TFCP2L1: variants seen among roughly 807,000 people sequenced by gnomAD.
The protein encoded by TFCP2L1 is transcription factor CP2 like 1.
A neutral mutation model predicts 72.2 loss-of-function variants in TFCP2L1; 12 were observed. That is an observed-to-expected ratio of 0.17 (90% confidence interval 0.11 to 0.27). TFCP2L1 has a LOEUF of 0.27. Ranked by LOEUF, TFCP2L1 falls within the 10% of genes least tolerant of loss-of-function variation. TFCP2L1 has a pLI of 1.00. For missense variants in TFCP2L1, 488 were observed against 624.6 expected, an observed-to-expected ratio of 0.78 and a Z score of 2.33; for synonymous variants, 260 against 251.0, an observed-to-expected ratio of 1.04 and a Z score of -0.34.
intron 2 of TFCP2L1, among the ~76,000 whole-genome samples, chr2:121,258,477 A>G (rs969027494): frequency 6.6e-6 from 1 of 152,228 alleles, no homozygotes; most frequent in Non-Finnish European, 1.5e-5. Context: ...CCTTGGGGCC[A>G]CCACAGAGGA....
chr2:121,249,906 C>T (rs1382059098), intron 2 of TFCP2L1, among the ~76,000 whole-genome samples: 1 of 152,230 alleles, frequency 6.6e-6, no homozygotes, highest in Non-Finnish European at 1.5e-5. Context: ...CTACAATGTT[C>T]AAATAAACAG....
chr2:121,242,359 C>T lies in TFCP2L1; in HGVS notation c.768G>A (p.Glu256=), dbSNP rs368319139. The change falls in exon 7 of 15, where the codon GAG becomes GAA. Residue 256 remains glutamate, a splice_region_variant and synonymous_variant. Transcript: ENST00000263707. Reference sequence around the variant, plus strand: ...CTGTCCCCGCACCCAGCCGGCTCACCTCTGTGAGGATGGTGGTTTCATAGG... The same window carrying T: ...CTGTCCCCGCACCCAGCCGGCTCACTTCTGTGAGGATGGTGGTTTCATAGG... The part of the protein sequence containing the change: ...QPSYETTILT[E]CSPWPDVAYQ... The T allele has an allele frequency of 6.2e-7, 1 of 1,613,954 alleles. No homozygotes were observed. Among genetic ancestry groups the T allele is most frequent in the African/African-American group, 1.3e-5 (1 of 74,932 alleles).
Position 121,227,595 on chromosome 2 carries a change from C to T in TFCP2L1, c.1342-1982G>A, listed in dbSNP as rs972720170. On this transcript the variant is annotated intron_variant, in intron 13 of 14. Transcript: ENST00000263707. The stretch of plus-strand genomic sequence containing the variant: ...ACTCAGAAGGCTAAGGCAGGAGAAT[C>T]GCTTGAATGCAGGAGGCGGAGGTTG... Among the ~76,000 whole-genome samples, 14 of 152,134 alleles carry T rather than the reference C, an allele frequency of 9.2e-5. No individual in the cohort carries two copies. The South Asian group carries it at 2.5e-3, about 27-fold the overall frequency.
intron 7 of TFCP2L1, among the ~76,000 whole-genome samples, chr2:121,240,938 A>G (rs560157346): frequency 1.3e-5 from 2 of 152,190 alleles, no homozygotes; most frequent in Non-Finnish European, 2.9e-5. Context: ...ACCCTCCTGC[A>G]TGTCCACACA....
chr2:121,266,472 C>T (rs1031427576), intron 2 of TFCP2L1, among the ~76,000 whole-genome samples: 4 of 152,124 alleles, frequency 2.6e-5, no homozygotes, highest in African/African-American at 9.7e-5. Flanking sequence ...AACCAGGGTC[C>T]TCTCCTCCAG....
intron 12 of TFCP2L1, among the ~76,000 whole-genome samples, 162 bp downstream of exon 12, chr2:121,233,929 T>C (rs1006329994): frequency 2.0e-5 from 3 of 152,216 alleles, no homozygotes; most frequent in Non-Finnish European, 4.4e-5. Context: ...CCATGCACCA[T>C]GCAAGGAGCA....
rs974696831 is a variant in TFCP2L1 at position 121,220,667 on chromosome 2, C to T, written c.*3674G>A. ...CAATAGGCCAGCACCTCCGGACTCACAGGAAAGACCCTGGACAGCTGTGGG... is the reference window on the plus strand; with the variant it reads ...CAATAGGCCAGCACCTCCGGACTCATAGGAAAGACCCTGGACAGCTGTGGG... On this transcript the variant is annotated 3_prime_UTR_variant, in exon 15 of 15. Coordinates refer to ENST00000263707, the MANE Select transcript of TFCP2L1 (RefSeq NM_014553.3). 8 of 152,194 alleles carry T rather than the reference C, an allele frequency of 5.3e-5. No homozygotes were observed. The highest frequency in any genetic ancestry group is 1.9e-4 in the African/African-American group (8 of 41,432). 9.4% of individuals were successfully genotyped at this position (152,194 alleles called of 1,614,324 possible). A position where few individuals can be genotyped will look rare whatever the true frequency, so the allele number is the denominator to read the frequency against.
intron 6 of TFCP2L1, 69 bp from the exon 7 acceptor site, chr2:121,242,538 G>A (rs2304666): frequency 0.021 from 30,449 of 1,464,324 alleles, 1,184 homozygotes; most frequent in East Asian, 0.15. Flanking sequence ...GCCCTCTCCT[G>A]CTTCCCACCT....
intron 4 of TFCP2L1, 127 bp downstream of exon 4, chr2:121,248,855 G>A (rs1437967774): frequency 3.3e-6 from 2 of 598,086 alleles, no homozygotes; most frequent in South Asian, 3.0e-5. Flanking sequence ...GCTCCCGCGG[G>A]GTTTTACACA....
In TFCP2L1 at chr2:121,248,149, C is replaced by A. The variant is rs537089332; in HGVS notation, c.504+15G>T. 3.1e-6 allele frequency: 5 copies of A among 1,611,494 alleles called. No homozygotes were observed. In the African/African-American group the frequency reaches 6.7e-5, roughly 21 times the overall value. Reference sequence around the variant, plus strand: ...ACTAGGTCTTCCCCTGGAGGGCAAGCTCCCTGTGGCCCACCTGAATGAATG... The same window carrying A: ...ACTAGGTCTTCCCCTGGAGGGCAAGATCCCTGTGGCCCACCTGAATGAATG... On this transcript the variant is annotated intron_variant, in intron 5 of 14. Coordinates refer to ENST00000263707, the MANE Select transcript of TFCP2L1 (RefSeq NM_014553.3).
rs529882922 is a variant in TFCP2L1, at chr2:121,249,438, C to A, written c.291+133G>T. ...AAGCCAAACAGGGGCTGCGTCTCAC[C>A]GTTGAGGGCTGAGCTGAACCCGGCC... On this transcript the variant is annotated intron_variant, in intron 3 of 14. Coordinates refer to ENST00000263707, the MANE Select transcript of TFCP2L1 (RefSeq NM_014553.3). The A allele has an allele frequency of 1.2e-5, 9 of 773,100 alleles. No homozygotes were observed. The South Asian group carries it at 1.4e-4, about 12-fold the overall frequency. 47.9% of individuals were successfully genotyped at this position (773,100 alleles called of 1,614,324 possible).
chr2:121,271,982 C>A (rs1687057144), intron 2 of TFCP2L1, among the ~76,000 whole-genome samples: 1 of 152,164 alleles, frequency 6.6e-6, no homozygotes. Flanking sequence ...CTTCCCCCCA[C>A]AAAGCTTCAT....
chr2:121,249,915 A>G (rs1181743996), intron 2 of TFCP2L1, among the ~76,000 whole-genome samples: 1 of 152,274 alleles, frequency 6.6e-6, no homozygotes. Flanking sequence ...TCAAATAAAC[A>G]GAATCCAGGA....
At chr2:121,244,314 A>G (rs1176404416) in intron 6 of TFCP2L1, among the ~76,000 whole-genome samples, 2 of 152,184 alleles carry the variant, frequency 1.3e-5, no homozygotes, top group African/African-American at 4.8e-5. Flanking sequence ...CGGCTCCAAC[A>G]AGCCAGGCTT....
intron 1 of TFCP2L1, among the ~76,000 whole-genome samples, chr2:121,282,319 TAA>T (rs539101704): frequency 0.021 from 1,848 of 86,236 alleles, 39 homozygotes; most frequent in African/African-American, 0.061. Flanking sequence ...CTCTCCACAT[TAA>T]AAAAAAAAAA....
intron 13 of TFCP2L1, among the ~76,000 whole-genome samples, chr2:121,230,419 A>G (rs1686117625): frequency 6.6e-6 from 1 of 151,860 alleles, no homozygotes; most frequent in African/African-American, 2.4e-5. Context: ...TGATCCGCCC[A>G]CCTCGGCCTC....
intron 12 of TFCP2L1, among the ~76,000 whole-genome samples, chr2:121,233,713 CCT>C (rs1271658313): frequency 2.2e-4 from 33 of 152,334 alleles, no homozygotes; most frequent in Non-Finnish European, 1.3e-4. Context: ...GACAGCCACG[CCT>C]CTGAGGTCCT....
chr2:121,248,107 C>T (rs551489936), intron 5 of TFCP2L1, 57 bp downstream of exon 5: 105 of 1,511,032 alleles, frequency 6.9e-5, no homozygotes, highest in Middle Eastern at 1.8e-4. Flanking sequence ...AGAAACTGCA[C>T]GCAGGCCACC....
chr2:121,255,137 G>A (rs958416599), intron 2 of TFCP2L1, among the ~76,000 whole-genome samples: 2 of 152,232 alleles, frequency 1.3e-5, no homozygotes, highest in African/African-American at 4.8e-5. Context: ...GTCACGTGCT[G>A]GGCACAAGAC....
Sources: gnomAD v4.1 joint callset for allele counts (sites outside exome capture counted in the v4.1 genomes callset) on GRCh38, gnomAD v4.1.1 for gene constraint, MANE v1.5 for transcripts, NCBI Gene and HGNC (gene_info 2026-07-23, HGNC 2026-07-21) for gene names.